Variants in ZC3H14 observed in about 807,000 individuals in gnomAD.
ZC3H14 encodes the protein zinc finger CCCH domain-containing protein 14.
A neutral mutation model predicts 92.4 loss-of-function variants in ZC3H14; 31 were observed. The ratio of observed to expected loss-of-function variants is 0.34; its 90% confidence interval spans 0.25 to 0.45. The LOEUF is 0.45. Ranked by LOEUF, ZC3H14 falls within the 20% of genes least tolerant of loss-of-function variation. The pLI, the probability that ZC3H14 is intolerant of heterozygous loss-of-function variation, is 1.00. For missense variants in ZC3H14, 781 were observed against 897.3 expected (o/e 0.87, Z 1.66); for synonymous variants, 321 against 300.9 (o/e 1.07, Z -0.69).
rs1346215115 is a variant in ZC3H14, at chr14:88,620,864, C to T, written c.*9113C>T. The T allele has an allele frequency of 1.3e-6, 2 of 1,585,064 alleles. No homozygotes were observed. The highest frequency in any genetic ancestry group is 3.7e-5 in the Admixed American group (2 of 54,492). On this transcript the variant is annotated 3_prime_UTR_variant, in exon 17 of 17. Coordinates refer to ENST00000251038, the MANE Select transcript of ZC3H14 (RefSeq NM_024824.5). This position sits in a 1 kb window ranked among gnomAD's most constrained non-coding sequence, Gnocchi z 4.3. Reference sequence around the variant, plus strand: ...TTTTCATTCCAATAGCCACCATGTCCCCTTCAGGGCTGTAACACACAGTAC... The same window carrying T: ...TTTTCATTCCAATAGCCACCATGTCTCCTTCAGGGCTGTAACACACAGTAC...
In ZC3H14 at chr14:88,623,743, C is replaced by T. The variant is rs2089473029; in HGVS notation, c.*11992C>T. On this transcript the variant is annotated 3_prime_UTR_variant, in exon 17 of 17. Coordinates refer to ENST00000251038, the MANE Select transcript of ZC3H14 (RefSeq NM_024824.5). ...TTATTTTTGAAGGCCAAAACAGAAG[C>T]ATATTTATTCCCTATCAGGTGTTAA... The T allele has an allele frequency of 6.6e-6, 1 of 152,186 alleles. No individual in the cohort carries two copies. Among genetic ancestry groups the T allele is most frequent in the Non-Finnish European group, 1.5e-5 (1 of 68,052 alleles). 9.4% of individuals were successfully genotyped at this position (152,186 alleles called of 1,614,324 possible). A position where few individuals can be genotyped will look rare whatever the true frequency, so the allele number is the denominator to read the frequency against.
At chr14:88,576,174 T>C (rs758269804) in intron 8 of ZC3H14, among the ~76,000 whole-genome samples, 5 of 152,242 alleles carry the variant, frequency 3.3e-5, no homozygotes, top group African/African-American at 4.8e-5. Context: ...TTTATATCTT[T>C]CCAATGTGTG....
intron 6 of ZC3H14, among the ~76,000 whole-genome samples, chr14:88,574,135 T>G (rs550276534): frequency 6.6e-6 from 1 of 152,322 alleles, no homozygotes; most frequent in East Asian, 1.9e-4. Context: ...TCTGTTTTAT[T>G]AGTTTCCTCA....
At chr14:88,577,706 A>G (rs1343798260) in intron 8 of ZC3H14, among the ~76,000 whole-genome samples, 2 of 151,842 alleles carry the variant, frequency 1.3e-5, no homozygotes, top group Non-Finnish European at 2.9e-5. Flanking sequence ...AGTAGTTGGG[A>G]TTACAGGTGT....
At chr14:88,585,251 T>A (rs1336781140) in intron 9 of ZC3H14, among the ~76,000 whole-genome samples, 1 of 152,254 alleles carries the variant, frequency 6.6e-6, no homozygotes, top group Non-Finnish European at 1.5e-5. Context: ...CATTGCTGAT[T>A]TGCATTTGCC....
chr14:88,593,756 C>T (rs1049516067), intron 9 of ZC3H14, among the ~76,000 whole-genome samples: 1 of 151,950 alleles, frequency 6.6e-6, no homozygotes, highest in Non-Finnish European at 1.5e-5. Context: ...CTTCAAAACT[C>T]TTAGGGAAAA....
chr14:88,598,095 G>T (rs868795865), intron 10 of ZC3H14, among the ~76,000 whole-genome samples: 5 of 152,134 alleles, frequency 3.3e-5, no homozygotes, highest in South Asian at 2.1e-4. Flanking sequence ...TCTCTAAGTG[G>T]TCTGTTTTGG....
chr14:88,579,555 T>C (rs896762120), intron 9 of ZC3H14, among the ~76,000 whole-genome samples: 4 of 152,062 alleles, frequency 2.6e-5, no homozygotes, highest in Non-Finnish European at 5.9e-5. Context: ...TGGAATCAGA[T>C]GGAGCAGGGA....
Position 88,618,796 on chromosome 14 carries a change from G to A in ZC3H14, c.*7045G>A, listed in dbSNP as rs2088242658. 10 of 1,589,266 alleles carry A rather than the reference G, an allele frequency of 6.3e-6. No individual in the cohort carries two copies. The highest frequency in any genetic ancestry group is 2.7e-5 in the African/African-American group (2 of 74,492). On this transcript the variant is annotated 3_prime_UTR_variant, in exon 17 of 17. Transcript: ENST00000251038. ...TCACTAGAACCTACTGCCAGATACC[G>A]GGAATCCGGACTAAATCTGAATCAA...
At position 88,625,145 on chromosome 14, in the gene ZC3H14, AG is replaced by A. The variant is rs771100704; in HGVS notation, c.*13399del. On this transcript the variant is annotated 3_prime_UTR_variant, in exon 17 of 17. Transcript: ENST00000251038. Reference sequence around the variant, plus strand: ...AAGTTATTCTGAAAAGGAGTGGGGGAGGGGGAGACAAACTCATCAAAAGTTC... The same window carrying A: ...AAGTTATTCTGAAAAGGAGTGGGGGAGGGGAGACAAACTCATCAAAAGTTC... The A allele has an allele frequency of 1.9e-6, 3 of 1,611,990 alleles. No homozygotes were observed. In the African/African-American group the frequency reaches 4.0e-5, roughly 22 times the overall value.
intron 9 of ZC3H14, among the ~76,000 whole-genome samples, chr14:88,596,163 AATT>A (rs761369347): frequency 4.6e-5 from 7 of 152,218 alleles, no homozygotes; most frequent in Non-Finnish European, 8.8e-5. Flanking sequence ...AGAGGCAAAG[AATT>A]ATTATCATGC....
chr14:88,611,661 C>T (rs2086804363), intron 16 of ZC3H14, 84 bp from the exon 17 acceptor site: 1 of 1,528,130 alleles, frequency 6.5e-7, no homozygotes, highest in African/African-American at 1.4e-5. Flanking sequence ...TTGCTTAAAA[C>T]TAGTCAACTT....
At position 88,596,797 on chromosome 14, in the gene ZC3H14, A is replaced by T; in HGVS notation, c.1343A>T (p.Gln448Leu). Reference protein sequence around the residue: ...QIDPVMAETLQMSQDYYDMES... With the variant: ...QIDPVMAETLLMSQDYYDMES... ...GACCCAGTAATGGCAGAAACTCTGC[A>T]GATGAGTCAAGGTTGGTAATGTTTC... Residue 448 changes from glutamine (Q) to leucine (L), a missense_variant, in exon 10 of 17, where the codon CAG becomes CTG. Coordinates refer to ENST00000251038, the MANE Select transcript of ZC3H14 (RefSeq NM_024824.5). The T allele has an allele frequency of 6.2e-7, 1 of 1,614,026 alleles. No individual in the cohort carries two copies. Among genetic ancestry groups the T allele is most frequent in the Non-Finnish European group, 8.5e-7 (1 of 1,179,912 alleles).
rs757834744 is a variant in ZC3H14, at chr14:88,626,963, A to C, written c.*15212A>C. ...AACTTCACATGTTTTACTCCCACTG[A>C]GACAAACTGGGTATCTGAATCTGGT... On this transcript the variant is annotated 3_prime_UTR_variant, in exon 17 of 17. Transcript: ENST00000251038. The C allele has an allele frequency of 6.2e-7, 1 of 1,613,984 alleles. No individual in the cohort carries two copies. The highest frequency in any genetic ancestry group is 1.1e-5 in the South Asian group (1 of 91,072).
At position 88,620,710 on chromosome 14, in the gene ZC3H14, A is replaced by C; in HGVS notation, c.*8959A>C. ...ATGGAAAATTTTACAAATGGAAGTT[A>C]AATCAAGTATATACTAGAAACTCTA... On this transcript the variant is annotated 3_prime_UTR_variant, in exon 17 of 17. Transcript: ENST00000251038. This position sits in a 1 kb window ranked among gnomAD's most constrained non-coding sequence, Gnocchi z 4.3. 1 of 1,407,584 alleles carries C rather than the reference A, an allele frequency of 7.1e-7. No individual in the cohort carries two copies. The highest frequency in any genetic ancestry group is 9.3e-7 in the Non-Finnish European group (1 of 1,077,792). The allele number at this position is 1,407,584 out of a possible 1,614,324, so 87.2% of individuals were successfully genotyped here.
rs1048811616 is a variant in ZC3H14 at position 88,613,126 on chromosome 14, T to G, written c.*1375T>G. 17 of 152,268 alleles carry G rather than the reference T, an allele frequency of 1.1e-4. No individual in the cohort carries two copies. The highest frequency in any genetic ancestry group is 2.2e-4 in the Non-Finnish European group (15 of 68,038). The allele number at this position is 152,268 out of a possible 1,614,324, so 9.4% of individuals were successfully genotyped here. On this transcript the variant is annotated 3_prime_UTR_variant, in exon 17 of 17. Transcript: ENST00000251038. ...CTTTTCCATTGGGAGAAGAAAGAAT[T>G]AACCAGTCATTAAACCATTTGGTAA...
chr14:88,579,670 CAGA>C lies in ZC3H14; in HGVS notation c.1279+1536_1279+1538del, dbSNP rs559659333. 2.9e-3 allele frequency among the ~76,000 whole-genome samples: 436 copies of C among 152,280 alleles called. 4 individuals are homozygous for C. The highest frequency in any genetic ancestry group is 9.9e-3 in the African/African-American group (411 of 41,550). On this transcript the variant is annotated intron_variant, in intron 9 of 16. Coordinates refer to ENST00000251038, the MANE Select transcript of ZC3H14 (RefSeq NM_024824.5). ...ATATTTTTTAACATCACAAAATCAA[CAGA>C]AGAAGGTTGTTGATTCTGAAGTTAG...
chr14:88,620,584 CAAG>C lies in ZC3H14; in HGVS notation c.*8839_*8841del. On this transcript the variant is annotated 3_prime_UTR_variant, in exon 17 of 17. Transcript: ENST00000251038. This position sits in a 1 kb window ranked among gnomAD's most constrained non-coding sequence, Gnocchi z 4.3. ...GGTGCCCAGTGGGTTTATAATTTAGCAAGAAGAATTAAGTAGTATACAAACAGC... is the reference window on the plus strand; with the variant it reads ...GGTGCCCAGTGGGTTTATAATTTAGCAAGAATTAAGTAGTATACAAACAGC... 1.9e-6 allele frequency: 1 copy of C among 514,328 alleles called. No individual in the cohort carries two copies. The highest frequency in any genetic ancestry group is 3.9e-5 in the Admixed American group (1 of 25,334). The allele number at this position is 514,328 out of a possible 1,614,324, so 31.9% of individuals were successfully genotyped here.
intron 12 of ZC3H14, among the ~76,000 whole-genome samples, chr14:88,605,333 T>TA (rs1173715571): frequency 3.3e-5 from 5 of 152,202 alleles, no homozygotes; most frequent in Non-Finnish European, 7.3e-5. Context: ...TAAAATGACT[T>TA]ATACTGTTTT....
Sources: gnomAD v4.1 joint callset for allele counts (sites outside exome capture counted in the v4.1 genomes callset) on GRCh38, gnomAD v4.1.1 for gene constraint, Gnocchi (gnomAD v3.1) non-coding constraint, MANE v1.5 for transcripts, NCBI Gene and HGNC (gene_info 2026-07-23, HGNC 2026-07-21) for gene names.